Variants in RNF213 observed in about 807,000 individuals in gnomAD.
RNF213 encodes E3 ubiquitin-protein ligase RNF213.
RNF213 carries 341 observed loss-of-function variants against 514.4 expected under a neutral mutation model. The ratio of observed to expected loss-of-function variants is 0.66; its 90% CI spans 0.61 to 0.73. The LOEUF (loss-of-function observed/expected upper bound fraction) is 0.73, where lower values mean the gene tolerates loss of function less well. RNF213 is among the 30% of genes least tolerant of loss of function. The probability of loss-of-function intolerance (pLI) is 0.00; values close to 1 mark genes in which losing one functional copy is unlikely to be tolerated. For missense variants in RNF213, 5,767 were observed against 6,615.6 expected, an observed-to-expected ratio of 0.87 and a Z score of 4.45; for synonymous variants, 2,655 against 2,658.2, an observed-to-expected ratio of 1.00 and a Z score of 0.04.
At chr17:80,344,629 T>C (rs2078252045) in intron 28 of RNF213, 49 bp from the exon 29 acceptor site, 1 of 1,608,606 alleles carries the variant, frequency 6.2e-7, no homozygotes, top group South Asian at 1.1e-5. Flanking sequence ...CAAAAGCATT[T>C]CTTAGAAAGT....
intron 63 of RNF213, 160 bp from the exon 64 acceptor site, chr17:80,388,452 G>A (rs2080327745): frequency 1.5e-6 from 1 of 681,852 alleles, no homozygotes; most frequent in Non-Finnish European, 2.7e-6. Context: ...TATTTCCATA[G>A]ATGGTGGGTT....
intron 47 of RNF213, 138 bp downstream of exon 47, chr17:80,372,123 A>G: frequency 1.4e-6 from 1 of 689,702 alleles, no homozygotes; most frequent in South Asian, 1.6e-5. Flanking sequence ...GGTTTCAAAG[A>G]CGCGGCTTCT....
chr17:80,354,102 C>T lies in RNF213; in HGVS notation c.10662C>T (p.Cys3554=). ...VGMLRDQNES[C]TRNMRRVVLL... is the part of the protein sequence containing the mutation. ...TGCTCAGAGACCAGAACGAGAGCTG[C>T]ACGCGCAATATGCGGAGGGTGGTGC... The change falls in exon 35 of 68, where the codon TGC becomes TGT. Residue 3554 remains cysteine, a synonymous_variant. Transcript: ENST00000582970. The T allele has an allele frequency of 6.2e-7, 1 of 1,614,104 alleles. No homozygotes were observed. The highest frequency in any genetic ancestry group is 8.5e-7 in the Non-Finnish European group (1 of 1,180,036).
chr17:80,356,402 T>C (rs995871437), intron 36 of RNF213, among the ~76,000 whole-genome samples: 1 of 152,234 alleles, frequency 6.6e-6, no homozygotes, highest in African/African-American at 2.4e-5. Context: ...CACGCAGCAC[T>C]AGGCCTGGCT....
At chr17:80,344,499 T>C (rs2078248222) in intron 28 of RNF213, among the ~76,000 whole-genome samples, 179 bp from the exon 29 acceptor site, 1 of 152,232 alleles carries the variant, frequency 6.6e-6, no homozygotes, top group Non-Finnish European at 1.5e-5. Context: ...CCCACAGCAA[T>C]GCCTTACTTA....
Position 80,359,153 on chromosome 17 carries a change from C to T in RNF213, c.11054+674C>T, listed in dbSNP as rs192908330. Among the ~76,000 whole-genome samples, 8 of 152,116 alleles carry T rather than the reference C, an allele frequency of 5.3e-5. No individual in the cohort carries two copies. In the East Asian group the frequency reaches 7.7e-4, roughly 15 times the overall value. ...CCCCTTCCGCAGGCCTGATGATGTGCGGCTCAGGCTCAGCTCCCAATAGCT... is the reference window on the plus strand; with the variant it reads ...CCCCTTCCGCAGGCCTGATGATGTGTGGCTCAGGCTCAGCTCCCAATAGCT... On this transcript the variant is annotated intron_variant, in intron 37 of 67. Coordinates refer to ENST00000582970, the MANE Select transcript of RNF213 (RefSeq NM_001256071.3).
Position 80,288,000 on chromosome 17 carries a change from G to A in RNF213, c.447G>A (p.Gln149=), listed in dbSNP as rs184474799. ...QQSGPTGQPS[Q]PPGTATTPLE... ...GTGGCCCCACTGGCCAGCCGAGCCA[G>A]CCCCCAGGCACAGCCACCACGCCAC... The change falls in exon 4 of 68, where the codon CAG becomes CAA. Residue 149 remains glutamine, a synonymous_variant. Transcript: ENST00000582970. 115 of 1,588,632 alleles carry A rather than the reference G, an allele frequency of 7.2e-5. 1 individual carries two copies. The East Asian group carries it at 2.5e-3, about 35-fold the overall frequency.
intron 44 of RNF213, among the ~76,000 whole-genome samples, chr17:80,368,881 T>C (rs1382853941): frequency 6.6e-6 from 1 of 152,186 alleles, no homozygotes; most frequent in African/African-American, 2.4e-5. Context: ...AGTGGTTGGT[T>C]TTCTTTCCTT....
In RNF213 at chr17:80,379,764, G is replaced by A. The variant is rs755860737; in HGVS notation, c.13640+50G>A. ...CTAAGTACTCAAACTTTGGGGTGTT[G>A]GGCTGTTTTTATTCCAGCTGATAAA... On this transcript the variant is annotated intron_variant, in intron 55 of 67. Transcript: ENST00000582970. 11 of 1,498,886 alleles carry A rather than the reference G, an allele frequency of 7.3e-6. No homozygotes were observed. The South Asian group carries it at 1.2e-4, about 17-fold the overall frequency. 92.8% of individuals were successfully genotyped at this position (1,498,886 alleles called of 1,614,324 possible).
Position 80,289,855 on chromosome 17 carries a change from G to A in RNF213, c.1112+18G>A. 5 of 1,598,658 alleles carry A rather than the reference G, an allele frequency of 3.1e-6. No homozygotes were observed. Among genetic ancestry groups the A allele is most frequent in the Middle Eastern group, 2.2e-4 (1 of 4,588 alleles). ...AAGGCAAGGTAGGGATGCCCCCGCA[G>A]GGGAGCAAAGGAGACCCTGCCTGAG... On this transcript the variant is annotated intron_variant, in intron 6 of 67. Transcript: ENST00000582970.
Position 80,386,324 on chromosome 17 carries a change from C to T in RNF213, c.14614C>T (p.Arg4872Cys), listed in dbSNP as rs757880599. 6.8e-6 allele frequency: 11 copies of T among 1,613,896 alleles called. No individual in the cohort carries two copies. The highest frequency in any genetic ancestry group is 6.7e-5 in the African/African-American group (5 of 74,944). The stretch of plus-strand genomic sequence containing the variant: ...CACTGAGTTTGAGATCCTCTTGCCA[C>T]GCCGACGGGGCCTGGGCCTCTGTGC... ...LDTEFEILLP[R>C]RRGLGLCATA... is the part of the protein sequence containing the mutation. The change falls in exon 62 of 68, where the codon CGC (arginine) becomes TGC (cysteine). Residue 4872 changes from arginine to cysteine, a missense_variant. Arg to Cys is a radical substitution (Grantham distance 180). Around this residue, in one of 13 missense-constraint regions of RNF213, gnomAD observed 1,245 missense variants for 1,339.0 expected, o/e 0.93. Transcript: ENST00000582970.
Position 80,383,911 on chromosome 17 carries a change from T to C in RNF213, c.14305T>C (p.Trp4769Arg). 6.2e-7 allele frequency: 1 copy of C among 1,614,174 alleles called. No individual in the cohort carries two copies. The highest frequency in any genetic ancestry group is 8.5e-7 in the Non-Finnish European group (1 of 1,180,034). The stretch of plus-strand genomic sequence containing the variant: ...TGGCAAAGAAAGAGTGCCCATCCTC[T>C]GGCATTTCCTGCAGAAGGTATGTCT... ...KNGKERVPIL[W>R]HFLQKEAELR... Residue 4769 changes from tryptophan to arginine, a missense_variant, in exon 59 of 68, where the codon TGG (tryptophan) becomes CGG (arginine). Physicochemically the swap from Trp to Arg is moderately radical, Grantham distance 101. Transcript: ENST00000582970.
In RNF213 at chr17:80,352,944, G is replaced by C; in HGVS notation, c.10308G>C (p.Leu3436=). 1 of 1,614,068 alleles carries C rather than the reference G, an allele frequency of 6.2e-7. No individual in the cohort carries two copies. Among genetic ancestry groups the C allele is most frequent in the Non-Finnish European group, 8.5e-7 (1 of 1,180,042 alleles). ...GGGTGGCTTCACTCTTCACAGGGCT[G>C]TGGCAGTCTGTCCACATCGATGACC... ...GTAYVGFHGG[L]WQSVHIDDLR... The change falls in exon 33 of 68, where the codon CTG becomes CTC. Residue 3436 remains leucine (L), a synonymous_variant. Transcript: ENST00000582970.
chr17:80,325,231 C>T (rs768553972), intron 18 of RNF213, 33 bp downstream of exon 18: 52 of 1,508,382 alleles, frequency 3.4e-5, no homozygotes, highest in Admixed American at 1.6e-4. Flanking sequence ...AACATCAGCT[C>T]AGGCAAGGTG....
In RNF213 at chr17:80,371,021, A is replaced by T. The variant is rs189620284; in HGVS notation, c.12426-853A>T. Among the ~76,000 whole-genome samples the T allele has an allele frequency of 8.4e-3, 1,274 of 151,748 alleles. 27 individuals carry two copies. Among genetic ancestry groups the T allele is most frequent in the African/African-American group, 0.028 (1,169 of 41,390 alleles). Reference sequence around the variant, plus strand: ...TTAATGAATATGGATTTTTTTTTTTAAAACGTAGAATACAAATGTGTCAAC... The same window carrying T: ...TTAATGAATATGGATTTTTTTTTTTTAAACGTAGAATACAAATGTGTCAAC... On this transcript the variant is annotated intron_variant, in intron 46 of 67. Transcript: ENST00000582970.
In RNF213 at chr17:80,377,903, C is replaced by A; in HGVS notation, c.13545+107C>A. The stretch of plus-strand genomic sequence containing the variant: ...TGAGGCTCTCGGCCTTCCAGGAGAG[C>A]ACAGGCTCACCGAGGACTGCCCAGG... On this transcript the variant is annotated intron_variant, in intron 54 of 67. Coordinates refer to ENST00000582970, the MANE Select transcript of RNF213 (RefSeq NM_001256071.3). This position sits in a 1 kb window ranked among gnomAD's most constrained non-coding sequence, Gnocchi z 4.1. 2 of 1,299,450 alleles carry A rather than the reference C, an allele frequency of 1.5e-6. No homozygotes were observed. The highest frequency in any genetic ancestry group is 2.2e-6 in the Non-Finnish European group (2 of 894,944). The allele number at this position is 1,299,450 out of a possible 1,614,324, so 80.5% of individuals were successfully genotyped here. A position where few individuals can be genotyped will look rare whatever the true frequency, so the allele number is the denominator to read the frequency against.
intron 3 of RNF213, among the ~76,000 whole-genome samples, chr17:80,284,108 C>T (rs2044389177): frequency 6.7e-6 from 1 of 149,776 alleles, no homozygotes. Flanking sequence ...GCCTGGAATC[C>T]CAGCACTTTG....
chr17:80,279,943 G>A (rs1166760710), intron 3 of RNF213, among the ~76,000 whole-genome samples: 1 of 152,148 alleles, frequency 6.6e-6, no homozygotes, highest in Non-Finnish European at 1.5e-5. Flanking sequence ...TGCAGAGGGC[G>A]ACGGCCTCCC....
intron 17 of RNF213, among the ~76,000 whole-genome samples, 155 bp from the exon 18 acceptor site, chr17:80,324,875 G>A (rs931596682): frequency 2.0e-5 from 3 of 152,176 alleles, no homozygotes; most frequent in African/African-American, 7.2e-5. Context: ...TCGAAGAAAT[G>A]TAAAGTGTTT....
Sources: gnomAD v4.1 joint callset for allele counts (sites outside exome capture counted in the v4.1 genomes callset) on GRCh38, gnomAD v4.1.1 for gene constraint, gnomAD v4.1.1 regional missense constraint, Gnocchi (gnomAD v3.1) non-coding constraint, MANE v1.5 for transcripts, NCBI Gene and HGNC (gene_info 2026-07-23, HGNC 2026-07-21) for gene names.